Variants in NALF1 observed in about 807,000 individuals in gnomAD.
NALF1 encodes NALCN channel auxiliary factor 1.
Under a neutral mutation model 48.4 loss-of-function variants are expected in NALF1, and 3 were observed. That is an observed-to-expected ratio of 0.06 (90% CI 0.03 to 0.16). The LOEUF (loss-of-function observed/expected upper bound fraction) is 0.16, where lower values mean the gene tolerates loss of function less well. NALF1 is among the 10% of genes least tolerant of loss of function. The pLI, the probability that NALF1 is intolerant of heterozygous loss-of-function variation, is 1.00. For synonymous variants in NALF1, 262 were observed against 245.7 expected, an observed-to-expected ratio of 1.07 and a Z score of -0.62; for missense variants, 526 against 571.5, an observed-to-expected ratio of 0.92 and a Z score of 0.81.
At chr13:107,643,201 T>C (rs948329036) in intron 1 of NALF1, among the ~76,000 whole-genome samples, 2 of 152,186 alleles carry the variant, frequency 1.3e-5, no homozygotes, top group African/African-American at 2.4e-5. Context: ...CTGGTGATGA[T>C]TGTACTCAAG....
chr13:107,198,341 T>G (rs2138791159), intron 2 of NALF1, among the ~76,000 whole-genome samples: 1 of 152,344 alleles, frequency 6.6e-6, no homozygotes, highest in African/African-American at 2.4e-5. Context: ...TCTAAATTCC[T>G]TCAAAAGGAG....
intron 1 of NALF1, among the ~76,000 whole-genome samples, chr13:107,238,296 T>G (rs1880394889): frequency 6.6e-6 from 1 of 152,144 alleles, no homozygotes; most frequent in African/African-American, 2.4e-5. Context: ...CATCTTCCTC[T>G]CAGAATTAGA....
chr13:107,291,078 C>T (rs1881611607), intron 1 of NALF1, among the ~76,000 whole-genome samples: 1 of 150,728 alleles, frequency 6.6e-6, no homozygotes, highest in African/African-American at 2.4e-5. Context: ...ATTTCTTTCT[C>T]CTTAGGCAGA....
At chr13:107,234,173 A>G (rs371142749) in intron 1 of NALF1, among the ~76,000 whole-genome samples, 5 of 152,186 alleles carry the variant, frequency 3.3e-5, no homozygotes, top group African/African-American at 1.2e-4. Flanking sequence ...GTTTTTAAAG[A>G]GTGATGAATT....
At chr13:107,566,494 C>G (rs1437010921) in intron 1 of NALF1, among the ~76,000 whole-genome samples, 1 of 152,112 alleles carries the variant, frequency 6.6e-6, no homozygotes, top group South Asian at 2.1e-4. Context: ...GCTGGATACC[C>G]TTTCAGAACA....
At chr13:107,666,344 C>T (rs1880857379) in intron 1 of NALF1, among the ~76,000 whole-genome samples, 1 of 152,102 alleles carries the variant, frequency 6.6e-6, no homozygotes, top group Non-Finnish European at 1.5e-5. Flanking sequence ...CTCTCGGTAG[C>T]CATTGCTTTG....
intron 1 of NALF1, among the ~76,000 whole-genome samples, chr13:107,807,022 C>T (rs1042824687): frequency 1.3e-5 from 2 of 152,048 alleles, no homozygotes; most frequent in South Asian, 2.1e-4. Flanking sequence ...CTAAATATCA[C>T]GCCAGTAGAC....
chr13:107,385,060 G>A (rs530293865), intron 1 of NALF1, among the ~76,000 whole-genome samples: 14 of 152,186 alleles, frequency 9.2e-5, no homozygotes, highest in African/African-American at 2.4e-4. Context: ...ATCAACATAC[G>A]GTGGTGACCA....
At chr13:107,502,435 A>G (rs1389560533) in intron 1 of NALF1, among the ~76,000 whole-genome samples, 1 of 152,186 alleles carries the variant, frequency 6.6e-6, no homozygotes, top group Non-Finnish European at 1.5e-5. Flanking sequence ...TTAGATAGGT[A>G]AGCTACATTG....
At chr13:107,754,728 T>C (rs1877042923) in intron 1 of NALF1, among the ~76,000 whole-genome samples, 1 of 152,170 alleles carries the variant, frequency 6.6e-6, no homozygotes, top group South Asian at 2.1e-4. Flanking sequence ...TAAGATCACA[T>C]AATTTTGTAA....
intron 1 of NALF1, among the ~76,000 whole-genome samples, chr13:107,691,857 T>C (rs1881576017): frequency 6.6e-6 from 1 of 152,212 alleles, no homozygotes. Flanking sequence ...TTGGAGAAGA[T>C]GTATGTTTTC....
At chr13:107,343,830 C>A (rs1882725533) in intron 1 of NALF1, among the ~76,000 whole-genome samples, 1 of 151,494 alleles carries the variant, frequency 6.6e-6, no homozygotes, top group Non-Finnish European at 1.5e-5. Context: ...AAACAGGTAG[C>A]TAACAGAGGA....
chr13:107,371,854 T>C (rs1221425218), intron 1 of NALF1, among the ~76,000 whole-genome samples: 1 of 152,262 alleles, frequency 6.6e-6, no homozygotes, highest in Non-Finnish European at 1.5e-5. Context: ...TGTGTTAACA[T>C]TTTATTACAG....
rs142279201 is a variant in NALF1 at position 107,769,904 on chromosome 13, CTTTGT to C, written c.915+95773_915+95777del. Among the ~76,000 whole-genome samples, 5,696 of 151,518 alleles carry C rather than the reference CTTTGT, an allele frequency of 0.038. 521 individuals are homozygous for C. The East Asian group carries it at 0.42, about 11-fold the overall frequency. On this transcript the variant is annotated intron_variant, in intron 1 of 2. Transcript: ENST00000375915. Reference sequence around the variant, plus strand: ...AAACTTCAAAATTCAATTTTTTTTGCTTTGTTTTGTTTTGTTTTGTTTTGTTGAGA... The same window carrying C: ...AAACTTCAAAATTCAATTTTTTTTGCTTTGTTTTGTTTTGTTTTGTTGAGA...
At position 107,331,768 on chromosome 13, in the gene NALF1, A is replaced by G. The variant is rs575369971; in HGVS notation, c.916-121013T>C. Among the ~76,000 whole-genome samples, 3 of 152,292 alleles carry G rather than the reference A, an allele frequency of 2.0e-5. No individual in the cohort carries two copies. In the South Asian group the frequency reaches 6.2e-4, roughly 32 times the overall value. ...TTTTCTTTCAAATAAATTAGAGAAA[A>G]ATATTATGCATATTTGTAAAGACTC... On this transcript the variant is annotated intron_variant, in intron 1 of 2. Transcript: ENST00000375915.
chr13:107,511,482 A>T (rs899724500), intron 1 of NALF1, among the ~76,000 whole-genome samples: 2 of 152,196 alleles, frequency 1.3e-5, no homozygotes, highest in Admixed American at 1.3e-4. Context: ...ATGTTACAAT[A>T]CTTCATAAAT....
chr13:107,597,564 A>T (rs1878790442), intron 1 of NALF1, among the ~76,000 whole-genome samples: 1 of 152,170 alleles, frequency 6.6e-6, no homozygotes, highest in Non-Finnish European at 1.5e-5. Context: ...TTGTTCTTAT[A>T]AATAATAGAG....
chr13:107,353,387 C>T (rs1882908487), intron 1 of NALF1, among the ~76,000 whole-genome samples: 1 of 152,092 alleles, frequency 6.6e-6, no homozygotes, highest in Non-Finnish European at 1.5e-5. Context: ...TTGGGGAAAA[C>T]AAGCATTTTA....
At position 107,168,926 on chromosome 13, in the gene NALF1, C is replaced by T. The variant is rs1878727194; in HGVS notation, c.*1571G>A. 1 of 152,388 alleles carries T rather than the reference C, an allele frequency of 6.6e-6. No homozygotes were observed. 9.4% of individuals were successfully genotyped at this position (152,388 alleles called of 1,614,324 possible). On this transcript the variant is annotated 3_prime_UTR_variant, in exon 3 of 3. Coordinates refer to ENST00000375915, the MANE Select transcript of NALF1 (RefSeq NM_001080396.3). ...CTGCAAACTTATCTGAAGTGCACTTCCCAAGTGTAGTTAGAGAATAGGAAG... is the reference window on the plus strand; with the variant it reads ...CTGCAAACTTATCTGAAGTGCACTTTCCAAGTGTAGTTAGAGAATAGGAAG...
Sources: gnomAD v4.1 joint callset for allele counts (sites outside exome capture counted in the v4.1 genomes callset) on GRCh38, gnomAD v4.1.1 for gene constraint, MANE v1.5 for transcripts, NCBI Gene and HGNC (gene_info 2026-07-23, HGNC 2026-07-21) for gene names.